The following DLEC1 variants were observed in gnomAD, a reference collection of about 807,000 sequenced individuals.
DLEC1 encodes deleted in lung and esophageal cancer protein 1.
A neutral mutation model predicts 198.1 loss-of-function variants in DLEC1; 146 were observed. That is an observed-to-expected ratio of 0.74 (90% CI 0.64 to 0.85). The LOEUF is 0.85. DLEC1 is among the 40% of genes least tolerant of loss of function. DLEC1 has a pLI of 0.00. For missense variants in DLEC1, 2,233 were observed against 2,220.0 expected, an observed-to-expected ratio of 1.01 and a Z score of -0.12; for synonymous variants, 897 against 866.8, an observed-to-expected ratio of 1.03 and a Z score of -0.61.
chr3:38,094,801 C>T (rs545208463), intron 12 of DLEC1, 78 bp from the exon 13 acceptor site: 4 of 1,516,358 alleles, frequency 2.6e-6, no homozygotes, highest in Admixed American at 3.8e-5. Context: ...CCTCTTGGAG[C>T]AGGGCAGGGA....
At chr3:38,100,453 C>G in intron 19 of DLEC1, 28 bp downstream of exon 19, 3 of 1,592,030 alleles carry the variant, frequency 1.9e-6, no homozygotes, top group Non-Finnish European at 2.6e-6. Context: ...AGAGCCACTA[C>G]AACAAACTAT....
intron 6 of DLEC1, among the ~76,000 whole-genome samples, chr3:38,071,552 G>A (rs570586465): frequency 1.2e-4 from 19 of 152,330 alleles, no homozygotes; most frequent in Admixed American, 2.6e-4. Flanking sequence ...AAATTTCAGC[G>A]GGGAAGTAGG....
Position 38,097,545 on chromosome 3 carries a change from G to T in DLEC1, c.2473G>T (p.Gly825Trp). Residue 825 changes from glycine to tryptophan, a missense_variant, in exon 17 of 37, where the codon GGG (glycine) becomes TGG (tryptophan). Gly to Trp is a radical substitution (Grantham distance 184). Transcript: ENST00000308059. ...CGGGGATTTTGAGTTGAACTTTACT[G>T]GGGGTGTCCCTGGCCCCACAAGCCA... ...EVGDFELNFT[G>W]GVPGPTSQDL... The T allele has an allele frequency of 6.2e-7, 1 of 1,614,192 alleles. No individual in the cohort carries two copies. Among genetic ancestry groups the T allele is most frequent in the South Asian group, 1.1e-5 (1 of 91,078 alleles).
intron 25 of DLEC1, among the ~76,000 whole-genome samples, chr3:38,113,666 G>A (rs773291302): frequency 7.2e-5 from 11 of 152,200 alleles, no homozygotes; most frequent in Admixed American, 1.3e-4. Context: ...ACTCCAGCCT[G>A]AGCGATGGAG....
chr3:38,112,102 G>C lies in DLEC1; in HGVS notation c.3515-108G>C. On this transcript the variant is annotated intron_variant, in intron 24 of 36. Transcript: ENST00000308059. This position sits in a 1 kb window ranked among gnomAD's most constrained non-coding sequence, Gnocchi z 4.8. ...GGCACATGTAGCCTGACCAAGGAGA[G>C]GCTGGAGGGTGGCTTATCGGGGACA... 1 of 1,534,200 alleles carries C rather than the reference G, an allele frequency of 6.5e-7. No individual in the cohort carries two copies. Among genetic ancestry groups the C allele is most frequent in the Non-Finnish European group, 8.9e-7 (1 of 1,124,366 alleles).
chr3:38,052,835 T>G (rs1241792747), intron 2 of DLEC1, among the ~76,000 whole-genome samples: 3 of 151,900 alleles, frequency 2.0e-5, no homozygotes, highest in African/African-American at 4.8e-5. Flanking sequence ...ACCAAAGTTG[T>G]GAAAGCCGAG....
chr3:38,050,602 C>T (rs918815532), intron 2 of DLEC1, among the ~76,000 whole-genome samples: 21 of 151,856 alleles, frequency 1.4e-4, no homozygotes, highest in African/African-American at 4.8e-4. Flanking sequence ...CCTGCCTGCC[C>T]CCACCTAGGG....
intron 18 of DLEC1, among the ~76,000 whole-genome samples, chr3:38,099,683 C>T (rs913337566): frequency 4.0e-5 from 6 of 151,892 alleles, no homozygotes; most frequent in Non-Finnish European, 7.4e-5. Flanking sequence ...GTAAAGAGCC[C>T]TCCCCAGATG....
At chr3:38,079,756 G>C (rs1697860243) in intron 6 of DLEC1, among the ~76,000 whole-genome samples, 1 of 152,192 alleles carries the variant, frequency 6.6e-6, no homozygotes, top group South Asian at 2.1e-4. Flanking sequence ...CCTGGGGGAG[G>C]AGGTTCTGGA....
intron 10 of DLEC1, among the ~76,000 whole-genome samples, chr3:38,091,196 G>A (rs1214370379): frequency 1.3e-5 from 2 of 152,116 alleles, no homozygotes; most frequent in East Asian, 3.8e-4. Flanking sequence ...TGAAAATAGG[G>A]GCCAGGTGCG....
intron 2 of DLEC1, among the ~76,000 whole-genome samples, chr3:38,057,872 A>C (rs1696459808): frequency 6.8e-6 from 1 of 147,020 alleles, no homozygotes; most frequent in African/African-American, 2.5e-5. Context: ...GCTGGAGTGC[A>C]GTGGCGCAAT....
chr3:38,056,217 C>T (rs932849237), intron 2 of DLEC1, among the ~76,000 whole-genome samples: 1 of 151,918 alleles, frequency 6.6e-6, no homozygotes, highest in Admixed American at 6.5e-5. Context: ...AAGCTGAGAT[C>T]GTGCCATCAC....
In DLEC1 at chr3:38,117,828, C is replaced by G. The variant is rs1243919356; in HGVS notation, c.4508C>G (p.Thr1503Ser). ...CSGVLSELVT[T>S]HHLKLTNTTE... ...CAGGTGCTGAGTGAGCTGGTGACCA[C>G]CCACCACCTGAAGCTGACCAACACT... The change falls in exon 33 of 37, where the codon ACC (threonine) becomes AGC (serine). Residue 1503 changes from threonine (T) to serine (S), a missense_variant. By Grantham distance (58) the Thr-to-Ser change is moderately conservative (BLOSUM62 1). Coordinates refer to ENST00000308059, the MANE Select transcript of DLEC1 (RefSeq NM_007335.4). 1 of 1,614,140 alleles carries G rather than the reference C, an allele frequency of 6.2e-7. No individual in the cohort carries two copies. Among genetic ancestry groups the G allele is most frequent in the African/African-American group, 1.3e-5 (1 of 75,036 alleles).
chr3:38,053,488 G>A (rs1482242984), intron 2 of DLEC1, among the ~76,000 whole-genome samples: 7 of 151,558 alleles, frequency 4.6e-5, no homozygotes, highest in Non-Finnish European at 1.0e-4. Flanking sequence ...CGCCCTGTCT[G>A]AGAAGTGAGG....
intron 6 of DLEC1, among the ~76,000 whole-genome samples, chr3:38,071,741 T>A (rs1232856423): frequency 2.0e-5 from 3 of 152,106 alleles, no homozygotes; most frequent in Non-Finnish European, 4.4e-5. Flanking sequence ...GGGCCTTGAG[T>A]AGAGTTTTTA....
At chr3:38,039,693 C>A (rs1700564575) in intron 1 of DLEC1, 57 bp downstream of exon 1, 5 of 1,521,248 alleles carry the variant, frequency 3.3e-6, no homozygotes, top group Non-Finnish European at 4.4e-6. Context: ...GCGCTCGGCA[C>A]GCGTCAGCAC....
In DLEC1 at chr3:38,092,812, T is replaced by C; in HGVS notation, c.1688T>C (p.Leu563Pro). ...CAGGTCTTGTTTTCCCCAAAGAGCC[T>C]AGGAAAGGCAGAGCAGACCTTCATC... ...LVEVLFSPKS[L>P]GKAEQTFIIM... The change falls in exon 11 of 37, where the codon CTA (leucine) becomes CCA (proline). Residue 563 changes from leucine to proline, a missense_variant. By Grantham distance (98) the Leu-to-Pro change is moderately conservative. Coordinates refer to ENST00000308059, the MANE Select transcript of DLEC1 (RefSeq NM_007335.4). 6.2e-7 allele frequency: 1 copy of C among 1,614,034 alleles called. No homozygotes were observed. The highest frequency in any genetic ancestry group is 8.5e-7 in the Non-Finnish European group (1 of 1,179,998).
Position 38,122,075 on chromosome 3 carries a change from G to A in DLEC1, c.5025G>A (p.Gln1675=). 1.9e-6 allele frequency: 3 copies of A among 1,613,992 alleles called. No homozygotes were observed. The highest frequency in any genetic ancestry group is 2.5e-6 in the Non-Finnish European group (3 of 1,179,918). Residue 1675 remains glutamine (Q), a synonymous_variant, in exon 36 of 37, where the codon CAG becomes CAA. Transcript: ENST00000308059. ...CTTCCCTTCCCTTTGGTGCAGGCCAGCAGGAGCCAGCCAAGGCCGCTGTGG... is the reference window on the plus strand; with the variant it reads ...CTTCCCTTCCCTTTGGTGCAGGCCAACAGGAGCCAGCCAAGGCCGCTGTGG... ...CRSYWTMLMG[Q]QEPAKAAVAF... is the part of the protein sequence containing the mutation.
chr3:38,055,692 A>T (rs1575394741), intron 2 of DLEC1, among the ~76,000 whole-genome samples: 2 of 152,256 alleles, frequency 1.3e-5, no homozygotes, highest in East Asian at 3.9e-4. Context: ...TGAACAGAGC[A>T]GTCAGTGAAG....
Sources: gnomAD v4.1 joint callset for allele counts (sites outside exome capture counted in the v4.1 genomes callset) on GRCh38, gnomAD v4.1.1 for gene constraint, Gnocchi (gnomAD v3.1) non-coding constraint, MANE v1.5 for transcripts, NCBI Gene and HGNC (gene_info 2026-07-23, HGNC 2026-07-21) for gene names.